Variants in EIF3L observed in about 807,000 individuals in gnomAD.
EIF3L encodes the protein eukaryotic translation initiation factor 3 subunit L, also known as eIEF associated protein HSPC021.
EIF3L carries 32 observed loss-of-function variants against 74.6 expected under a neutral mutation model. The observed-to-expected ratio is 0.43, with a 90% CI of 0.32 to 0.58. The LOEUF is 0.58. Among genes scored for constraint, EIF3L ranks in the 20% least tolerant of loss-of-function variants. EIF3L has a pLI of 0.06. For synonymous variants in EIF3L, 256 were observed against 254.4 expected (o/e 1.01, Z -0.06); for missense variants, 474 against 707.8 (o/e 0.67, Z 3.75).
chr22:37,886,833 C>T lies in EIF3L; in HGVS notation c.1644C>T (p.His548=). 2 of 1,610,206 alleles carry T rather than the reference C, an allele frequency of 1.2e-6. No homozygotes were observed. The highest frequency in any genetic ancestry group is 8.5e-7 in the Non-Finnish European group (1 of 1,177,362). The change falls in exon 12 of 13, where the codon CAC becomes CAT. Residue 548 remains histidine, a synonymous_variant. Transcript: ENST00000652021. ...GGGATTTCTTCATCCGTCAGATCCA[C>T]AAATTTGAGGAGGTGAGAGATCTGA... The part of the protein sequence containing the change: ...RYGDFFIRQI[H]KFEELNRTLK...
chr22:37,856,076 G>T (rs1439543606), intron 4 of EIF3L, among the ~76,000 whole-genome samples: 1 of 150,814 alleles, frequency 6.6e-6, no homozygotes. Flanking sequence ...TATTTTTTTT[G>T]AGATGGAGTC....
chr22:37,862,949 A>C lies in EIF3L; in HGVS notation c.436-20A>C, dbSNP rs1925938208. 1 of 1,576,214 alleles carries C rather than the reference A, an allele frequency of 6.3e-7. No individual in the cohort carries two copies. Among genetic ancestry groups the C allele is most frequent in the East Asian group, 2.2e-5 (1 of 44,630 alleles). ...TAAAATTAAATATCTGTATCTTGATATCTCTTGTTTTCTTTACAGGGGGGA... is the reference window on the plus strand; with the variant it reads ...TAAAATTAAATATCTGTATCTTGATCTCTCTTGTTTTCTTTACAGGGGGGA... On this transcript the variant is annotated intron_variant, in intron 5 of 12. Coordinates refer to ENST00000652021, the MANE Select transcript of EIF3L (RefSeq NM_016091.4).
At chr22:37,871,881 A>G (rs1402526440) in intron 8 of EIF3L, among the ~76,000 whole-genome samples, 1 of 151,842 alleles carries the variant, frequency 6.6e-6, no homozygotes, top group East Asian at 1.9e-4. Context: ...GGAAAAAAAA[A>G]AAAAAAAAAA....
chr22:37,873,582 C>T (rs980449384), intron 8 of EIF3L, among the ~76,000 whole-genome samples: 6 of 152,064 alleles, frequency 3.9e-5, no homozygotes, highest in East Asian at 1.9e-4. Flanking sequence ...CGTGAGCCAC[C>T]GCTCCCGACC....
chr22:37,874,895 A>ATTTTTTTTTTTTTTTT (rs35994639), intron 9 of EIF3L, among the ~76,000 whole-genome samples: 1 of 113,490 alleles, frequency 8.8e-6, no homozygotes, highest in Non-Finnish European at 1.8e-5. Flanking sequence ...TGCCCAGCTA[A>ATTTTTTTTTTTTTTTT]TTTTTTTTTT....
chr22:37,872,122 CT>C (rs958409765), intron 8 of EIF3L, among the ~76,000 whole-genome samples: 69 of 145,334 alleles, frequency 4.7e-4, no homozygotes, highest in Non-Finnish European at 5.2e-4. Flanking sequence ...CCATGTGTGA[CT>C]TTTTTTTTTT....
intron 7 of EIF3L, 128 bp downstream of exon 7, chr22:37,863,473 A>G: frequency 1.4e-6 from 1 of 709,690 alleles, no homozygotes; most frequent in Non-Finnish European, 2.3e-6. Context: ...ACCCCATGGC[A>G]GTAGACTCCA....
chr22:37,871,817 C>G lies in EIF3L; in HGVS notation c.751+1470C>G, dbSNP rs531098310. Among the ~76,000 whole-genome samples the G allele has an allele frequency of 2.6e-4, 39 of 147,520 alleles. No homozygotes were observed. In the South Asian group the frequency reaches 8.3e-3, roughly 31 times the overall value. On this transcript the variant is annotated intron_variant, in intron 8 of 12. Coordinates refer to ENST00000652021, the MANE Select transcript of EIF3L (RefSeq NM_016091.4). The stretch of plus-strand genomic sequence containing the variant: ...CAGGGAGGCAGAGGTTGCAGTGAGC[C>G]GAGATCGCACCACTGCACTACAGTC...
chr22:37,864,935 G>A (rs931369434), intron 7 of EIF3L, among the ~76,000 whole-genome samples: 1 of 152,152 alleles, frequency 6.6e-6, no homozygotes, highest in Non-Finnish European at 1.5e-5. Flanking sequence ...GGATTGCTGC[G>A]AATGTTGCTG....
At chr22:37,887,200 G>A (rs949731410) in intron 12 of EIF3L, 5 of 182,688 alleles carry the variant, frequency 2.7e-5, no homozygotes, top group Non-Finnish European at 5.8e-5. Context: ...AAAGTGTTGG[G>A]ATTACAGGCA....
intron 6 of EIF3L, 28 bp from the exon 7 acceptor site, chr22:37,863,244 T>A (rs780827504): frequency 1.3e-5 from 21 of 1,592,732 alleles, no homozygotes; most frequent in Non-Finnish European, 9.4e-6. Flanking sequence ...TTGCTTTGAA[T>A]CTGACTTTTC....
chr22:37,872,424 A>G (rs924307635), intron 8 of EIF3L, among the ~76,000 whole-genome samples: 1 of 152,036 alleles, frequency 6.6e-6, no homozygotes, highest in African/African-American at 2.4e-5. Context: ...GCGCCTGGCC[A>G]TGTGTGATTT....
chr22:37,866,028 C>T (rs1012869475), intron 7 of EIF3L, among the ~76,000 whole-genome samples: 7 of 152,130 alleles, frequency 4.6e-5, no homozygotes, highest in African/African-American at 1.4e-4. Context: ...CCTCGCCACC[C>T]TGTTTTATTT....
In EIF3L at chr22:37,877,675, T is replaced by TA; in HGVS notation, c.1079_1080insA (p.Asn361Ter). ...TACCACTCTCCACCCCATCCCCAGA[T>TA]TAACAAGCAGAATGAGCAGATGCAT... On this transcript the variant is annotated frameshift_variant and splice_region_variant, in exon 11 of 13. Transcript: ENST00000652021. LOFTEE classifies it high-confidence loss of function. 6.3e-7 allele frequency: 1 copy of TA among 1,591,762 alleles called. No individual in the cohort carries two copies. Among genetic ancestry groups the TA allele is most frequent in the Non-Finnish European group, 8.6e-7 (1 of 1,167,902 alleles).
chr22:37,856,626 C>A (rs1925523122), intron 4 of EIF3L, among the ~76,000 whole-genome samples: 1 of 151,996 alleles, frequency 6.6e-6, no homozygotes, highest in Non-Finnish European at 1.5e-5. Context: ...GGGTGGATCA[C>A]CTGAGGTCGG....
intron 3 of EIF3L, among the ~76,000 whole-genome samples, chr22:37,851,833 T>G (rs1352349078): frequency 6.6e-6 from 1 of 151,556 alleles, no homozygotes. Context: ...GCCTAGTTAA[T>G]TTTTTTGTAT....
In EIF3L at chr22:37,888,330, A is replaced by AG; in HGVS notation, c.1657-92dup. ...CAGAAACTTCCTTTCTTGGCTTCAG[A>AG]GGGGCAGCTGGGAATCTGACCTAGT... On this transcript the variant is annotated intron_variant, in intron 12 of 12. Coordinates refer to ENST00000652021, the MANE Select transcript of EIF3L (RefSeq NM_016091.4). 2.2e-5 allele frequency: 30 copies of AG among 1,347,958 alleles called. No homozygotes were observed. In the South Asian group the frequency reaches 3.7e-4, roughly 17 times the overall value. The allele number at this position is 1,347,958 out of a possible 1,614,324, so 83.5% of individuals were successfully genotyped here.
At chr22:37,888,398 T>C in intron 12 of EIF3L, 28 bp from the exon 13 acceptor site, 2 of 1,613,562 alleles carry the variant, frequency 1.2e-6, no homozygotes, top group Non-Finnish European at 1.7e-6. Context: ...AATCCCCGTA[T>C]GTAACTTTGC....
intron 7 of EIF3L, among the ~76,000 whole-genome samples, chr22:37,866,678 T>C (rs1926167244): frequency 6.6e-6 from 1 of 151,816 alleles, no homozygotes; most frequent in Non-Finnish European, 1.5e-5. Context: ...CCCAGCTATT[T>C]AGGAGGCTGA....
Sources: gnomAD v4.1 joint callset for allele counts (sites outside exome capture counted in the v4.1 genomes callset) on GRCh38, gnomAD v4.1.1 for gene constraint, MANE v1.5 for transcripts, NCBI Gene and HGNC (gene_info 2026-07-23, HGNC 2026-07-21) for gene names.